MACROD2: variants seen among roughly 807,000 people sequenced by gnomAD.
The protein encoded by MACROD2 is mono-ADP ribosylhydrolase 2.
MACROD2 carries 36 observed loss-of-function variants against 70.4 expected under a neutral mutation model. The ratio of observed to expected loss-of-function variants is 0.51; its 90% CI spans 0.39 to 0.68. MACROD2 has a LOEUF of 0.68. MACROD2 is among the 30% of genes least tolerant of loss of function. MACROD2 has a pLI of 0.00. For missense variants in MACROD2, 496 were observed against 538.4 expected, an observed-to-expected ratio of 0.92 and a Z score of 0.78; for synonymous variants, 172 against 178.8, an observed-to-expected ratio of 0.96 and a Z score of 0.30.
At chr20:15,684,859 A>G (rs2050206266) in intron 8 of MACROD2, among the ~76,000 whole-genome samples, 1 of 152,176 alleles carries the variant, frequency 6.6e-6, no homozygotes, top group South Asian at 2.1e-4. Context: ...ATGTTAGACC[A>G]TACATAGCGT....
intron 4 of MACROD2, among the ~76,000 whole-genome samples, chr20:14,574,565 A>G (rs1980444056): frequency 1.3e-5 from 2 of 152,096 alleles, no homozygotes; most frequent in African/African-American, 4.8e-5. Flanking sequence ...ATTCTGGCTA[A>G]GGCACATTAA....
At chr20:14,500,729 A>G (rs202185373) in intron 4 of MACROD2, among the ~76,000 whole-genome samples, 4 of 152,342 alleles carry the variant, frequency 2.6e-5, no homozygotes, top group East Asian at 3.9e-4. Flanking sequence ...CATCATGTTT[A>G]CTACACATGC....
chr20:15,088,646 TGACTG>T (rs1052027247), intron 5 of MACROD2, among the ~76,000 whole-genome samples: 19 of 151,714 alleles, frequency 1.3e-4, no homozygotes, highest in African/African-American at 4.3e-4. Flanking sequence ...CATGGGGACT[TGACTG>T]GAAGAGAGTT....
At chr20:14,411,514 C>A (rs757629454) in intron 3 of MACROD2, among the ~76,000 whole-genome samples, 4 of 151,992 alleles carry the variant, frequency 2.6e-5, no homozygotes, top group Non-Finnish European at 5.9e-5. Flanking sequence ...TTAGACCCTT[C>A]CTGAAGGTCT....
At chr20:15,421,690 A>T (rs2046230840) in intron 6 of MACROD2, among the ~76,000 whole-genome samples, 1 of 152,222 alleles carries the variant, frequency 6.6e-6, no homozygotes, top group East Asian at 1.9e-4. Flanking sequence ...TTATTCATTT[A>T]TCCACACAAC....
chr20:14,873,728 G>A (rs1307684530), intron 5 of MACROD2, among the ~76,000 whole-genome samples: 2 of 151,858 alleles, frequency 1.3e-5, no homozygotes, highest in East Asian at 1.9e-4. Flanking sequence ...GTGTGGTGGC[G>A]GGCCTCTCTA....
intron 5 of MACROD2, among the ~76,000 whole-genome samples, chr20:14,870,590 A>G (rs986405583): frequency 6.6e-6 from 1 of 150,990 alleles, no homozygotes; most frequent in African/African-American, 2.4e-5. Context: ...TTTCTCCTCA[A>G]CCTCACCAGG....
chr20:15,851,631 G>C (rs1399799269), intron 8 of MACROD2, among the ~76,000 whole-genome samples: 1 of 152,158 alleles, frequency 6.6e-6, no homozygotes, highest in Non-Finnish European at 1.5e-5. Context: ...AGATACTGGG[G>C]GTTAGGACTT....
At chr20:15,226,383 G>A (rs2076906298) in intron 5 of MACROD2, among the ~76,000 whole-genome samples, 1 of 152,100 alleles carries the variant, frequency 6.6e-6, no homozygotes, top group Non-Finnish European at 1.5e-5. Flanking sequence ...GCCTTCCTAT[G>A]TATCAGACTT....
chr20:15,594,722 G>T, intron 8 of MACROD2, among the ~76,000 whole-genome samples: 1 of 152,114 alleles, frequency 6.6e-6, no homozygotes, highest in East Asian at 1.9e-4. Flanking sequence ...TTAACATATT[G>T]ATTTGTGTTT....
chr20:15,207,311 C>G (rs1167628736), intron 5 of MACROD2, among the ~76,000 whole-genome samples: 1 of 152,012 alleles, frequency 6.6e-6, no homozygotes, highest in Non-Finnish European at 1.5e-5. Flanking sequence ...CCCTTCATTC[C>G]TGAAGGATAA....
chr20:14,435,599 A>G (rs906175216), intron 3 of MACROD2, among the ~76,000 whole-genome samples: 1 of 152,190 alleles, frequency 6.6e-6, no homozygotes, highest in African/African-American at 2.4e-5. Context: ...TCCTGAAGAG[A>G]AAGTGTAAGC....
chr20:14,243,484 T>C (rs575161457), intron 3 of MACROD2, among the ~76,000 whole-genome samples: 12 of 152,332 alleles, frequency 7.9e-5, no homozygotes, highest in Non-Finnish European at 1.5e-4. Flanking sequence ...TTATTCCATA[T>C]ATATAATTAT....
chr20:14,672,103 C>T (rs760838523), intron 4 of MACROD2, among the ~76,000 whole-genome samples: 1 of 152,166 alleles, frequency 6.6e-6, no homozygotes, highest in African/African-American at 2.4e-5. Context: ...CAAACCACTT[C>T]CAAAGTTTAG....
At chr20:14,145,111 T>C (rs1310795357) in intron 3 of MACROD2, among the ~76,000 whole-genome samples, 1 of 152,206 alleles carries the variant, frequency 6.6e-6, no homozygotes, top group East Asian at 1.9e-4. Flanking sequence ...TATAGATACA[T>C]TAATTATGAA....
rs533771028 is a variant in MACROD2 at position 14,483,492 on chromosome 20, C to T, written c.272-9987C>T. ...GGCGATCTTGGCTCACCGCAACCTC[C>T]ACCTCCCAGGTTCAAGCGATTCTCC... On this transcript the variant is annotated intron_variant, in intron 3 of 17. Coordinates refer to ENST00000684519, the MANE Select transcript of MACROD2 (RefSeq NM_001351661.2). 3.9e-5 allele frequency among the ~76,000 whole-genome samples: 6 copies of T among 152,198 alleles called. No individual in the cohort carries two copies. The East Asian group carries it at 5.8e-4, about 15-fold the overall frequency.
chr20:15,644,081 G>A (rs923091906), intron 8 of MACROD2, among the ~76,000 whole-genome samples: 5 of 152,074 alleles, frequency 3.3e-5, no homozygotes, highest in African/African-American at 7.2e-5. Context: ...ATAACTCAGG[G>A]CAGGAATGTG....
chr20:15,243,955 G>A (rs2077083427), intron 6 of MACROD2, among the ~76,000 whole-genome samples: 1 of 151,758 alleles, frequency 6.6e-6, no homozygotes, highest in Non-Finnish European at 1.5e-5. Flanking sequence ...AAAATTTTGT[G>A]AGCTGATTAT....
intron 11 of MACROD2, among the ~76,000 whole-genome samples, 164 bp from the exon 12 acceptor site, chr20:15,937,312 A>G (rs78993328): frequency 0.014 from 2,063 of 152,220 alleles, 45 homozygotes; most frequent in African/African-American, 0.046. Flanking sequence ...TATAAAAGAG[A>G]GTCCCAAACC....
Sources: allele counts gnomAD v4.1 joint callset (sites outside exome capture counted in the v4.1 genomes callset), GRCh38; gene constraint gnomAD v4.1.1; transcripts MANE v1.5; gene names NCBI Gene and HGNC (gene_info 2026-07-23, HGNC 2026-07-21).